MYO16: variants seen among roughly 807,000 people sequenced by gnomAD.
The protein encoded by MYO16 is unconventional myosin-XVI.
In MYO16, 94 loss-of-function variants were observed where a neutral mutation model predicts 205.3. The ratio of observed to expected loss-of-function variants is 0.46; its 90% CI spans 0.39 to 0.54. MYO16 has a LOEUF of 0.54. Among genes scored for constraint, MYO16 ranks in the 20% least tolerant of loss-of-function variants. The pLI is 0.00. For synonymous variants in MYO16, 988 were observed against 954.0 expected, an observed-to-expected ratio of 1.04 and a Z score of -0.66; for missense variants, 2,315 against 2,387.5, an observed-to-expected ratio of 0.97 and a Z score of 0.63.
At chr13:109,194,550 A>AG (rs1317680810) in intron 34 of MYO16, among the ~76,000 whole-genome samples, 1 of 152,168 alleles carries the variant, frequency 6.6e-6, no homozygotes, top group Non-Finnish European at 1.5e-5. Flanking sequence ...AGAAACCTTG[A>AG]GGGGGCATCT....
At chr13:108,673,341 A>G (rs1341016198) in intron 2 of MYO16, among the ~76,000 whole-genome samples, 1 of 148,118 alleles carries the variant, frequency 6.8e-6, no homozygotes, top group Non-Finnish European at 1.5e-5. Flanking sequence ...TCTTTCCCTG[A>G]TCAATCCCTC....
chr13:108,627,623 T>A (rs1047969485), upstream of MYO16, among the ~76,000 whole-genome samples: 2 of 152,156 alleles, frequency 1.3e-5, no homozygotes, highest in African/African-American at 2.4e-5. Flanking sequence ...AGATGAGATG[T>A]TAATTCTCAC....
At chr13:108,541,510 T>C in the MYO16 span, among the ~76,000 whole-genome samples, 1 of 151,994 alleles carries the variant, frequency 6.6e-6, no homozygotes, top group Non-Finnish European at 1.5e-5. Context: ...TACAGGCTAT[T>C]ATATTTCACT....
chr13:108,530,286 AGAG>A, the MYO16 span, among the ~76,000 whole-genome samples: 4 of 152,228 alleles, frequency 2.6e-5, no homozygotes, highest in African/African-American at 7.2e-5. Context: ...CAAAAGCAAA[AGAG>A]GAGATGTAGC....
At chr13:109,183,120 T>C (rs1879526282) in intron 34 of MYO16, among the ~76,000 whole-genome samples, 1 of 152,244 alleles carries the variant, frequency 6.6e-6, no homozygotes, top group Admixed American at 6.5e-5. Context: ...ATGACATTTA[T>C]CTACTTACCA....
chr13:109,207,005 T>C lies in MYO16; in HGVS notation c.*169T>C. The C allele has an allele frequency of 3.2e-6, 1 of 317,084 alleles. No homozygotes were observed. Among genetic ancestry groups the C allele is most frequent in the South Asian group, 4.0e-5 (1 of 24,920 alleles). 19.6% of individuals were successfully genotyped at this position (317,084 alleles called of 1,614,324 possible). On this transcript the variant is annotated 3_prime_UTR_variant, in exon 35 of 35. Transcript: ENST00000457511. Reference sequence around the variant, plus strand: ...GAGATCCCGTGTGTGTGTGTGTGTGTTTGTGTGTGTGTGTGTGGGTTCTTT... The same window carrying C: ...GAGATCCCGTGTGTGTGTGTGTGTGCTTGTGTGTGTGTGTGTGGGTTCTTT...
At chr13:108,920,715 T>C (rs1881711906) in intron 16 of MYO16, among the ~76,000 whole-genome samples, 1 of 152,220 alleles carries the variant, frequency 6.6e-6, no homozygotes, top group Non-Finnish European at 1.5e-5. Flanking sequence ...CACCTTGGCC[T>C]CCCAAAGTGC....
upstream of MYO16, among the ~76,000 whole-genome samples, chr13:108,624,842 T>C (rs1879674411): frequency 6.6e-6 from 1 of 151,812 alleles, no homozygotes; most frequent in Admixed American, 6.6e-5. Flanking sequence ...CATATATCCA[T>C]ATCAATGCAC....
chr13:108,983,405 T>C (rs2139419339), intron 20 of MYO16, among the ~76,000 whole-genome samples: 1 of 152,236 alleles, frequency 6.6e-6, no homozygotes, highest in South Asian at 2.1e-4. Flanking sequence ...ATTTTAAAAT[T>C]CAAGAAAGGG....
At position 108,992,356 on chromosome 13, in the gene MYO16, G is replaced by C; in HGVS notation, c.2370-20G>C. 6.3e-7 allele frequency: 1 copy of C among 1,586,338 alleles called. No individual in the cohort carries two copies. The highest frequency in any genetic ancestry group is 2.3e-5 in the East Asian group (1 of 44,328). ...AGTTTTAAGGATGCCCATTTATCCTGGTGTATTGTTTTGTTTCAGCATGCA... is the reference window on the plus strand; with the variant it reads ...AGTTTTAAGGATGCCCATTTATCCTCGTGTATTGTTTTGTTTCAGCATGCA... On this transcript the variant is annotated intron_variant, in intron 20 of 34. Coordinates refer to ENST00000457511, the MANE Select transcript of MYO16 (RefSeq NM_001198950.3).
intron 4 of MYO16, among the ~76,000 whole-genome samples, chr13:108,762,611 T>C (rs2139659664): frequency 1.3e-5 from 2 of 152,306 alleles, no homozygotes; most frequent in South Asian, 4.1e-4. Flanking sequence ...ACTGAAAATA[T>C]CTCGAAGGTG....
Position 108,923,354 on chromosome 13 carries a change from A to G in MYO16, c.1925+13204A>G, listed in dbSNP as rs114149900. Among the ~76,000 whole-genome samples, 1,273 of 152,384 alleles carry G rather than the reference A, an allele frequency of 8.4e-3. 15 individuals carry two copies. The highest frequency in any genetic ancestry group is 0.029 in the African/African-American group (1,218 of 41,584). On this transcript the variant is annotated intron_variant, in intron 16 of 34. Transcript: ENST00000457511. ...CAGGAACTTGTAATAAGGTGAAGGC[A>G]GTACAGCTCAGTCATTGCTTTTGCT...
At chr13:108,951,530 G>A (rs1883149806) in intron 16 of MYO16, among the ~76,000 whole-genome samples, 1 of 152,064 alleles carries the variant, frequency 6.6e-6, no homozygotes, top group Admixed American at 6.5e-5. Flanking sequence ...TTATTAAGTG[G>A]CACTTTTCAC....
chr13:109,012,315 G>C (rs1210935942), intron 22 of MYO16, among the ~76,000 whole-genome samples: 6 of 152,106 alleles, frequency 3.9e-5, no homozygotes, highest in Non-Finnish European at 5.9e-5. Flanking sequence ...AGGGAGCAAA[G>C]CTTCATCTGT....
In MYO16 at chr13:109,149,349, G is replaced by A. The variant is rs558985644; in HGVS notation, c.5164+7973G>A. On this transcript the variant is annotated intron_variant, in intron 32 of 34. Coordinates refer to ENST00000457511, the MANE Select transcript of MYO16 (RefSeq NM_001198950.3). ...CTCCTTTCTCCCCCTGGACCCTTGCGTCTCAGTGAGGCGGGTAAAGCAGGT... is the reference window on the plus strand; with the variant it reads ...CTCCTTTCTCCCCCTGGACCCTTGCATCTCAGTGAGGCGGGTAAAGCAGGT... Among the ~76,000 whole-genome samples, 423 of 152,196 alleles carry A rather than the reference G, an allele frequency of 2.8e-3. 1 individual carries two copies. The highest frequency in any genetic ancestry group is 4.1e-3 in the Non-Finnish European group (279 of 68,012).
At chr13:108,606,018 G>A (rs1878944813) in intron 1 of MYO16, among the ~76,000 whole-genome samples, 1 of 152,132 alleles carries the variant, frequency 6.6e-6, no homozygotes, top group South Asian at 2.1e-4. Context: ...CTGGAGCAAA[G>A]GTCACTCTTG....
chr13:108,714,100 A>G (rs112444872), intron 3 of MYO16, among the ~76,000 whole-genome samples: 14 of 152,230 alleles, frequency 9.2e-5, no homozygotes, highest in East Asian at 3.9e-4. Context: ...TCTGTCGCCC[A>G]GGCTGGAGTG....
At chr13:109,171,670 C>T (rs1378562884) in intron 33 of MYO16, among the ~76,000 whole-genome samples, 2 of 152,068 alleles carry the variant, frequency 1.3e-5, no homozygotes, top group African/African-American at 4.8e-5. Context: ...AGTGTTAGAA[C>T]ATTTTAGCTT....
intron 27 of MYO16, among the ~76,000 whole-genome samples, chr13:109,077,933 C>G (rs1888161162): frequency 6.6e-6 from 1 of 152,102 alleles, no homozygotes; most frequent in Non-Finnish European, 1.5e-5. Context: ...GAAGTCCTCT[C>G]ACATATCACA....
Sources: gnomAD v4.1 joint callset for allele counts (sites outside exome capture counted in the v4.1 genomes callset) on GRCh38, gnomAD v4.1.1 for gene constraint, MANE v1.5 for transcripts, NCBI Gene and HGNC (gene_info 2026-07-23, HGNC 2026-07-21) for gene names.